RHD: variants seen among roughly 807,000 people sequenced by gnomAD.
RHD encodes blood group Rh(D) polypeptide.
Under a neutral mutation model 45.5 loss-of-function variants are expected in RHD, and 16 were observed. The ratio of observed to expected loss-of-function variants is 0.35; its 90% CI spans 0.24 to 0.53. The LOEUF (loss-of-function observed/expected upper bound fraction) is 0.53. RHD is among the 20% of genes least tolerant of loss of function. RHD has a pLI of 0.92. For missense variants in RHD, 306 were observed against 532.0 expected (o/e 0.58, Z 4.18); for synonymous variants, 131 against 217.5 (o/e 0.60, Z 3.50).
At chr1:25,279,883 C>A (rs953599427) in intron 1 of RHD, among the ~76,000 whole-genome samples, 1 of 129,466 alleles carries the variant, frequency 7.7e-6, no homozygotes, top group African/African-American at 2.7e-5. Context: ...ACCTTAGAGC[C>A]CATCAGCTTA....
At chr1:25,312,920 T>TCAAAAAAAAAAAAAA (rs1482253138) in intron 7 of RHD, among the ~76,000 whole-genome samples, 1 of 6,850 alleles carries the variant, frequency 1.5e-4, no homozygotes, top group Non-Finnish European at 4.3e-4. Context: ...ATCCCATCTC[T>TCAAAAAAAAAAAAAA]AAAAAAAAAA....
At chr1:25,301,235 T>G (rs531637511) in intron 4 of RHD, 142 bp downstream of exon 4, 2 of 911,264 alleles carry the variant, frequency 2.2e-6, no homozygotes, top group East Asian at 4.7e-5. Context: ...TTTCTTTGAG[T>G]AGTGTTTGCT....
chr1:25,280,062 G>A (rs1339748660), intron 1 of RHD, among the ~76,000 whole-genome samples: 1 of 129,456 alleles, frequency 7.7e-6, no homozygotes, highest in East Asian at 2.0e-4. Context: ...GGCAGGGGGA[G>A]GAGAAGCCTG....
intron 2 of RHD, among the ~76,000 whole-genome samples, chr1:25,286,426 G>A (rs1257142085): frequency 7.4e-6 from 1 of 134,408 alleles, no homozygotes; most frequent in Non-Finnish European, 1.8e-5. Context: ...TGAGGTTGAG[G>A]CTGAGTGAGC....
At chr1:25,306,826 G>C (rs1311514947) in intron 7 of RHD, 97 bp downstream of exon 7, 1 of 1,107,994 alleles carries the variant, frequency 9.0e-7, no homozygotes, top group Admixed American at 1.8e-5. Flanking sequence ...TGCACTCGGG[G>C]CCAGGTGCTC....
Position 25,283,434 on chromosome 1 carries a change from G to T in RHD, c.149-1139G>T, listed in dbSNP as rs1165412726. ...TAATCCCAGCTACTTGGGAGGCTGA[G>T]GCAGGAGAATCACTTGAACCCAGGA... On this transcript the variant is annotated intron_variant, in intron 1 of 9. Coordinates refer to ENST00000328664, the MANE Select transcript of RHD (RefSeq NM_016124.6). Among the ~76,000 whole-genome samples, 84 of 130,102 alleles carry T rather than the reference G, an allele frequency of 6.5e-4. 11 individuals are homozygous for T. Among genetic ancestry groups the T allele is most frequent in the African/African-American group, 1.5e-3 (58 of 38,234 alleles). 85.4% of individuals were successfully genotyped at this position (130,102 alleles called of 152,430 possible).
At chr1:25,302,010 A>T (rs1415505349) in intron 5 of RHD, among the ~76,000 whole-genome samples, 1 of 130,520 alleles carries the variant, frequency 7.7e-6, no homozygotes, top group Non-Finnish European at 1.8e-5. Flanking sequence ...GCAGCAACAG[A>T]CTAGACTAGA....
rs1643755809 is a variant in RHD, at chr1:25,305,606, T to C, written c.940-990T>C. 2.4e-5 allele frequency among the ~76,000 whole-genome samples: 3 copies of C among 125,938 alleles called. 1 individual carries two copies. Among genetic ancestry groups the C allele is most frequent in the African/African-American group, 8.3e-5 (3 of 36,282 alleles). 82.6% of individuals were successfully genotyped at this position (125,938 alleles called of 152,430 possible). On this transcript the variant is annotated intron_variant, in intron 6 of 9. Transcript: ENST00000328664. ...ATTTTGTTGTTGTTGTTGTTGTTGTTGTTGTTGTTGTTGAGACGGTGTCTC... is the reference window on the plus strand; with the variant it reads ...ATTTTGTTGTTGTTGTTGTTGTTGTCGTTGTTGTTGTTGAGACGGTGTCTC...
At chr1:25,277,737 C>A (rs368435585) in intron 1 of RHD, among the ~76,000 whole-genome samples, 7 of 122,110 alleles carry the variant, frequency 5.7e-5, no homozygotes, top group Admixed American at 1.6e-4. Context: ...TGCAGTGGTG[C>A]GATCTTGGCT....
rs1642227840 is a variant in RHD at position 25,288,383 on chromosome 1, T to A, written c.336-2258T>A. On this transcript the variant is annotated intron_variant, in intron 2 of 9. Transcript: ENST00000328664. ...TTTGTAGAGATGGAGTCTCACTATGTTGCCCAGGCTGGTCTCAAACTCCAG... is the reference window on the plus strand; with the variant it reads ...TTTGTAGAGATGGAGTCTCACTATGATGCCCAGGCTGGTCTCAAACTCCAG... 1.6e-5 allele frequency among the ~76,000 whole-genome samples: 2 copies of A among 126,850 alleles called. 1 individual carries two copies. Among genetic ancestry groups the A allele is most frequent in the Non-Finnish European group, 3.7e-5 (2 of 53,674 alleles). 83.2% of individuals were successfully genotyped at this position (126,850 alleles called of 152,430 possible).
At position 25,296,812 on chromosome 1, in the gene RHD, G is replaced by GT. The variant is rs1263839399; in HGVS notation, c.487-4133dup. ...TTCCCTTTCACCTTCCACCATGATT[G>GT]TAAGTTTCCTGAGGCCTCCCCGGCC... On this transcript the variant is annotated intron_variant, in intron 3 of 9. Coordinates refer to ENST00000328664, the MANE Select transcript of RHD (RefSeq NM_016124.6). Among the ~76,000 whole-genome samples, 2 of 124,270 alleles carry GT rather than the reference G, an allele frequency of 1.6e-5. 1 individual carries two copies. Among genetic ancestry groups the GT allele is most frequent in the Non-Finnish European group, 3.8e-5 (2 of 52,116 alleles). 81.5% of individuals were successfully genotyped at this position (124,270 alleles called of 152,430 possible). A position where few individuals can be genotyped will look rare whatever the true frequency, so the allele number is the denominator to read the frequency against.
chr1:25,310,671 T>C lies in RHD; in HGVS notation c.1073+3942T>C, dbSNP rs1571710129. Among the ~76,000 whole-genome samples, 3 of 132,196 alleles carry C rather than the reference T, an allele frequency of 2.3e-5. No individual in the cohort carries two copies. The South Asian group carries it at 6.9e-4, about 31-fold the overall frequency. 86.7% of individuals were successfully genotyped at this position (132,196 alleles called of 152,430 possible). ...GGAGCAGGCTAGAAAAAGCCTGTAT[T>C]GTCAAGAATGGAGCATTATGCCAGG... On this transcript the variant is annotated intron_variant, in intron 7 of 9. Transcript: ENST00000328664.
intron 2 of RHD, among the ~76,000 whole-genome samples, chr1:25,287,795 C>A (rs1642167673): frequency 7.5e-6 from 1 of 134,168 alleles, no homozygotes; most frequent in African/African-American, 2.6e-5. Context: ...AATCATAGCT[C>A]ATTGCAGCCT....
intron 7 of RHD, among the ~76,000 whole-genome samples, chr1:25,313,113 G>A (rs1644257569): frequency 7.9e-6 from 1 of 126,442 alleles, no homozygotes; most frequent in African/African-American, 2.7e-5. Flanking sequence ...AAGCCTTTGG[G>A]AGGTAACTAG....
rs1310173105 is a variant in RHD, at chr1:25,286,051, G to C, written c.335+1292G>C. 1.5e-5 allele frequency among the ~76,000 whole-genome samples: 2 copies of C among 135,434 alleles called. 1 individual carries two copies. The highest frequency in any genetic ancestry group is 5.1e-5 in the African/African-American group (2 of 39,232). 88.8% of individuals were successfully genotyped at this position (135,434 alleles called of 152,430 possible). A position where few individuals can be genotyped will look rare whatever the true frequency, so the allele number is the denominator to read the frequency against. On this transcript the variant is annotated intron_variant, in intron 2 of 9. Transcript: ENST00000328664. ...AGAGAGGGCAAGGCACTTGCCTAGGGCCACACAGCTAAGTGGTGGAGATGG... is the reference window on the plus strand; with the variant it reads ...AGAGAGGGCAAGGCACTTGCCTAGGCCCACACAGCTAAGTGGTGGAGATGG...
Position 25,292,510 on chromosome 1 carries a change from A to G in RHD, c.486+1719A>G, listed in dbSNP as rs538149359. ...GCACGTGGGGTGGGAGAGGGTCAAGATGACTTCAAGGTTCTCATCTGGCAC... is the reference window on the plus strand; with the variant it reads ...GCACGTGGGGTGGGAGAGGGTCAAGGTGACTTCAAGGTTCTCATCTGGCAC... On this transcript the variant is annotated intron_variant, in intron 3 of 9. Coordinates refer to ENST00000328664, the MANE Select transcript of RHD (RefSeq NM_016124.6). 2.0e-4 allele frequency among the ~76,000 whole-genome samples: 27 copies of G among 132,010 alleles called. 2 individuals are homozygous for G. The highest frequency in any genetic ancestry group is 6.9e-4 in the African/African-American group (27 of 38,908). 86.6% of individuals were successfully genotyped at this position (132,010 alleles called of 152,430 possible).
In RHD at chr1:25,272,734, G is replaced by A. The variant is rs370565231; in HGVS notation, c.148+39G>A. ...GGAAAAGTGGTCACAGGAGCAAATA[G>A]CAGGGGCAGGGGCGGGGGAGGCCTG... On this transcript the variant is annotated intron_variant, in intron 1 of 9. Coordinates refer to ENST00000328664, the MANE Select transcript of RHD (RefSeq NM_016124.6). 2 of 1,376,622 alleles carry A rather than the reference G, an allele frequency of 1.5e-6. 1 individual carries two copies. The highest frequency in any genetic ancestry group is 4.5e-5 in the East Asian group (2 of 44,622). 85.3% of individuals were successfully genotyped at this position (1,376,622 alleles called of 1,614,324 possible).
chr1:25,284,781 CA>C (rs1641821637), intron 2 of RHD, 22 bp downstream of exon 2: 1 of 1,385,030 alleles, frequency 7.2e-7, no homozygotes, highest in Non-Finnish European at 1.0e-6. Flanking sequence ...GTGGCTGGAT[CA>C]CTTCTGGGTC....
rs1239056167 is a variant in RHD, at chr1:25,298,516, G to A, written c.487-2430G>A. 5.4e-5 allele frequency among the ~76,000 whole-genome samples: 7 copies of A among 129,892 alleles called. 2 individuals carry two copies. Among genetic ancestry groups the A allele is most frequent in the African/African-American group, 1.8e-4 (7 of 38,096 alleles). 85.2% of individuals were successfully genotyped at this position (129,892 alleles called of 152,430 possible). A position where few individuals can be genotyped will look rare whatever the true frequency, so the allele number is the denominator to read the frequency against. On this transcript the variant is annotated intron_variant, in intron 3 of 9. Coordinates refer to ENST00000328664, the MANE Select transcript of RHD (RefSeq NM_016124.6). ...GAGTCATTTCAGTGCACCAGCTCAA[G>A]AAATGAATATTCCAGGCCAAGAATC...
Sources: allele counts gnomAD v4.1 joint callset (sites outside exome capture counted in the v4.1 genomes callset), GRCh38; gene constraint gnomAD v4.1.1; transcripts MANE v1.5; gene names NCBI Gene and HGNC (gene_info 2026-07-23, HGNC 2026-07-21).